The following KLHDC10 variants were observed in gnomAD, a reference collection of about 807,000 sequenced individuals.
KLHDC10 encodes the protein kelch domain containing 10.
Under a neutral mutation model 56.1 loss-of-function variants are expected in KLHDC10, and 24 were observed. That is an observed-to-expected ratio of 0.43 (90% confidence interval 0.31 to 0.60). The LOEUF (loss-of-function observed/expected upper bound fraction) is 0.60. Among genes scored for constraint, KLHDC10 ranks in the 20% least tolerant of loss-of-function variants. KLHDC10 has a pLI of 0.11. For missense variants in KLHDC10, 349 were observed against 567.0 expected (o/e 0.62, Z 3.91); for synonymous variants, 188 against 207.1 (o/e 0.91, Z 0.79).
At chr7:130,074,314 C>T (rs1175466527) in intron 1 of KLHDC10, among the ~76,000 whole-genome samples, 1 of 152,120 alleles carries the variant, frequency 6.6e-6, no homozygotes, top group Non-Finnish European at 1.5e-5. Flanking sequence ...CCTTCCGTGA[C>T]TTTCTGACTT....
chr7:130,106,457 AAAAT>A (rs1395517259), intron 2 of KLHDC10, among the ~76,000 whole-genome samples: 2 of 152,234 alleles, frequency 1.3e-5, no homozygotes, highest in African/African-American at 4.8e-5. Flanking sequence ...CGGTAAATAA[AAAAT>A]ACATAAGATT....
intron 1 of KLHDC10, among the ~76,000 whole-genome samples, chr7:130,071,584 A>G (rs1193741110): frequency 1.3e-5 from 2 of 152,222 alleles, no homozygotes; most frequent in African/African-American, 4.8e-5. Flanking sequence ...GTGGATATGT[A>G]TGTGTAGACA....
intron 1 of KLHDC10, among the ~76,000 whole-genome samples, chr7:130,085,293 A>G (rs1183713496): frequency 6.6e-6 from 1 of 150,700 alleles, no homozygotes; most frequent in Non-Finnish European, 1.5e-5. Context: ...AGATCATGCC[A>G]CTGCACTCCA....
At chr7:130,088,392 A>T (rs1231559118) in intron 1 of KLHDC10, among the ~76,000 whole-genome samples, 1 of 151,390 alleles carries the variant, frequency 6.6e-6, no homozygotes, top group East Asian at 2.0e-4. Flanking sequence ...CTCCTGCCTC[A>T]GCCTCCTGAG....
chr7:130,109,457 C>T (rs1796070751), intron 2 of KLHDC10, among the ~76,000 whole-genome samples: 1 of 151,892 alleles, frequency 6.6e-6, no homozygotes, highest in African/African-American at 2.4e-5. Context: ...GTCTGTGTAC[C>T]AAAGTGTTTG....
intron 2 of KLHDC10, among the ~76,000 whole-genome samples, chr7:130,107,887 G>A (rs544996193): frequency 7.5e-6 from 1 of 134,166 alleles, no homozygotes; most frequent in Non-Finnish European, 1.6e-5. Context: ...GCGGTGGCCC[G>A]TACCGTAGTC....
chr7:130,107,843 CAAA>C lies in KLHDC10; in HGVS notation c.254-8580_254-8578del, dbSNP rs3043725. On this transcript the variant is annotated intron_variant, in intron 2 of 9. Coordinates refer to ENST00000335420, the MANE Select transcript of KLHDC10 (RefSeq NM_014997.4). ...TGGGCGACAGAGTGGGACTCCGTCT[CAAA>C]AAAAAAAAAAAAAAAAAAAAAGAGC... 2.2e-3 allele frequency among the ~76,000 whole-genome samples: 58 copies of C among 26,034 alleles called. 1 individual carries two copies. Among genetic ancestry groups the C allele is most frequent in the Admixed American group, 3.7e-3 (5 of 1,348 alleles). 17.1% of individuals were successfully genotyped at this position (26,034 alleles called of 152,430 possible). A position where few individuals can be genotyped will look rare whatever the true frequency, so the allele number is the denominator to read the frequency against.
Position 130,120,845 on chromosome 7 carries a change from A to G in KLHDC10, c.572A>G (p.Tyr191Cys). ...GACGTCCATGTGTGTAATGTGAAGT[A>G]TAAGAGATGGGCTTTGCTCAGCTGT... The part of the protein sequence containing the change: ...GNDVHVCNVK[Y>C]KRWALLSCRG... Residue 191 changes from tyrosine (Y) to cysteine (C), a missense_variant, in exon 4 of 10, where the codon TAT (tyrosine) becomes TGT (cysteine). Around this residue, in one of 2 missense-constraint regions of KLHDC10, gnomAD observed 245 missense variants for 470.1 expected, o/e 0.52. Transcript: ENST00000335420. The surrounding 1 kb of genome is among the most constrained non-coding windows in gnomAD (Gnocchi z 5.1). 1 of 1,614,174 alleles carries G rather than the reference A, an allele frequency of 6.2e-7. No individual in the cohort carries two copies. The highest frequency in any genetic ancestry group is 8.5e-7 in the Non-Finnish European group (1 of 1,180,010).
At chr7:130,108,528 A>G (rs1015785899) in intron 2 of KLHDC10, among the ~76,000 whole-genome samples, 1 of 147,968 alleles carries the variant, frequency 6.8e-6, no homozygotes, top group Non-Finnish European at 1.5e-5. Flanking sequence ...CTGGGCAACG[A>G]GACGAAACGC....
chr7:130,090,564 G>C (rs1258908969), intron 1 of KLHDC10, among the ~76,000 whole-genome samples: 1 of 151,718 alleles, frequency 6.6e-6, no homozygotes, highest in Non-Finnish European at 1.5e-5. Flanking sequence ...CTCTTGCCTG[G>C]GTGACAGAGC....
rs1259618943 is a variant in KLHDC10, at chr7:130,077,362, A to C, written c.166+6553A>C. 3.4e-5 allele frequency among the ~76,000 whole-genome samples: 5 copies of C among 147,352 alleles called. No homozygotes were observed. The East Asian group carries it at 8.1e-4, about 24-fold the overall frequency. On this transcript the variant is annotated intron_variant, in intron 1 of 9. Transcript: ENST00000335420. ...GAACAAGACTCTGTCTCAAAAAAAAAAAAAAAAAAAAAAAAAAAAACAGTA... is the reference window on the plus strand; with the variant it reads ...GAACAAGACTCTGTCTCAAAAAAAACAAAAAAAAAAAAAAAAAAAACAGTA...
intron 5 of KLHDC10, among the ~76,000 whole-genome samples, chr7:130,123,329 G>T (rs188850984): frequency 2.0e-5 from 3 of 152,054 alleles, no homozygotes; most frequent in Admixed American, 6.6e-5. Context: ...AGTTAGCTGG[G>T]TGTGGTGGTG....
rs1796368142 is a variant in KLHDC10, at chr7:130,129,548, T to C, written c.1091T>C (p.Val364Ala). Residue 364 changes from valine (V) to alanine (A), a missense_variant, in exon 9 of 10, where the codon GTT becomes GCT. Val to Ala is a moderately conservative substitution (Grantham distance 64). This residue lies in a region of KLHDC10 where 245 missense variants were observed against 470.1 expected (regional missense o/e 0.52). Transcript: ENST00000335420. The stretch of plus-strand genomic sequence containing the variant: ...CTCCCAGCTACCATGCCAGAGCCAG[T>C]TTATTTTCACTGTGCAGCTGTTACA... ...VKLPATMPEP[V>A]YFHCAAVTPA... The C allele has an allele frequency of 6.2e-7, 1 of 1,614,218 alleles. No individual in the cohort carries two copies. The highest frequency in any genetic ancestry group is 8.5e-7 in the Non-Finnish European group (1 of 1,180,022).
intron 3 of KLHDC10, among the ~76,000 whole-genome samples, chr7:130,117,964 A>G (rs1461619742): frequency 1.3e-5 from 2 of 151,098 alleles, no homozygotes; most frequent in Non-Finnish European, 3.0e-5. Context: ...GGAGTTTGAG[A>G]CCCAGCCTGG....
chr7:130,084,146 C>T (rs767352460), intron 1 of KLHDC10, among the ~76,000 whole-genome samples: 7 of 152,180 alleles, frequency 4.6e-5, no homozygotes, highest in Non-Finnish European at 7.3e-5. Context: ...CTTCATATTT[C>T]TGAAGCTCAG....
chr7:130,128,899 T>A (rs865909116), intron 8 of KLHDC10, among the ~76,000 whole-genome samples: 4,317 of 102,516 alleles, frequency 0.042, 250 homozygotes, highest in Middle Eastern at 0.084. Flanking sequence ...AATATATATA[T>A]ATATATATAT....
intron 1 of KLHDC10, among the ~76,000 whole-genome samples, chr7:130,095,310 A>G (rs971441630): frequency 2.0e-5 from 3 of 152,120 alleles, no homozygotes; most frequent in Non-Finnish European, 4.4e-5. Flanking sequence ...AAGAAAACCA[A>G]CTACCATTTT....
chr7:130,110,882 A>G (rs1478656627), intron 2 of KLHDC10, among the ~76,000 whole-genome samples: 3 of 152,186 alleles, frequency 2.0e-5, no homozygotes, highest in Admixed American at 6.5e-5. Context: ...AGTAAATGTT[A>G]TGTACTACTT....
Position 130,077,372 on chromosome 7 carries a change from A to AAAC in KLHDC10, c.166+6565_166+6566insCAA, listed in dbSNP as rs1554462076. Among the ~76,000 whole-genome samples the AAAC allele has an allele frequency of 1.0e-3, 147 of 145,388 alleles. 2 individuals carry two copies. Among genetic ancestry groups the AAAC allele is most frequent in the Non-Finnish European group, 1.5e-3 (101 of 65,562 alleles). On this transcript the variant is annotated intron_variant, in intron 1 of 9. Transcript: ENST00000335420. ...CTGTCTCAAAAAAAAAAAAAAAAAA[A>AAAC]AAAAAAAAAACAGTATATGTATTTA...
Sources: gnomAD v4.1 joint callset for allele counts (sites outside exome capture counted in the v4.1 genomes callset) on GRCh38, gnomAD v4.1.1 for gene constraint, gnomAD v4.1.1 regional missense constraint, Gnocchi (gnomAD v3.1) non-coding constraint, MANE v1.5 for transcripts, NCBI Gene and HGNC (gene_info 2026-07-23, HGNC 2026-07-21) for gene names.